Variants in VPS52 observed in about 807,000 individuals in gnomAD.
VPS52 encodes the protein VPS52 subunit of GARP complex.
Under a neutral mutation model 98.7 loss-of-function variants are expected in VPS52, and 56 were observed. That is an observed-to-expected ratio of 0.57 (90% confidence interval 0.46 to 0.71). VPS52 has a LOEUF of 0.71. VPS52 is among the 30% of genes least tolerant of loss of function. The pLI is 0.00. For missense variants in VPS52, 742 were observed against 925.9 expected, an observed-to-expected ratio of 0.80 and a Z score of 2.58; for synonymous variants, 348 against 346.4, an observed-to-expected ratio of 1.00 and a Z score of -0.05.
rs1357932439 is a variant in VPS52, at chr6:33,250,946, G to C, written c.2067C>G (p.His689Gln). 1 of 1,613,092 alleles carries C rather than the reference G, an allele frequency of 6.2e-7. No individual in the cohort carries two copies. Among genetic ancestry groups the C allele is most frequent in the South Asian group, 1.1e-5 (1 of 91,090 alleles). The change falls in exon 20 of 20, where the codon CAC (histidine) becomes CAG (glutamine). Residue 689 changes from histidine (H) to glutamine (Q), a missense_variant. Transcript: ENST00000445902. The stretch of plus-strand genomic sequence containing the variant: ...GGAGCTGCGGCTGGGACAGCACCCG[G>C]TGGAAGCGATGATAGAGCTGGATCA... ...TQLIQLYHRF[H>Q]RVLSQPQLRA... is the part of the protein sequence containing the mutation.
rs1484136865 is a variant in VPS52, at chr6:33,266,718, AGAG to A, written c.1126-9_1126-7del. 1.9e-6 allele frequency: 3 copies of A among 1,602,746 alleles called. No homozygotes were observed. Among genetic ancestry groups the A allele is most frequent in the Admixed American group, 3.4e-5 (2 of 58,250 alleles). ...AAGAGGGCCTCAAATGGATACTGGG[AGAG>A]GAGGAGTAAAGAAGAAAAACAGAAG... On this transcript the variant is annotated splice_region_variant and splice_polypyrimidine_tract_variant and intron_variant, in intron 11 of 19. Transcript: ENST00000445902.
At chr6:33,260,347 T>A (rs969708197) in intron 17 of VPS52, among the ~76,000 whole-genome samples, 1 of 151,730 alleles carries the variant, frequency 6.6e-6, no homozygotes, top group African/African-American at 2.4e-5. Context: ...CATACCACCA[T>A]GCCTGGCTTT....
chr6:33,259,491 A>C (rs981232291), intron 17 of VPS52, among the ~76,000 whole-genome samples: 2 of 152,184 alleles, frequency 1.3e-5, no homozygotes, highest in Admixed American at 6.5e-5. Context: ...AATGATGCTC[A>C]ATGTTATTAG....
At position 33,267,185 on chromosome 6, in the gene VPS52, T is replaced by A; in HGVS notation, c.1125+3A>T. The A allele has an allele frequency of 2.7e-6, 4 of 1,498,990 alleles. No individual in the cohort carries two copies. Among genetic ancestry groups the A allele is most frequent in the Non-Finnish European group, 2.7e-6 (3 of 1,123,950 alleles). 92.9% of individuals were successfully genotyped at this position (1,498,990 alleles called of 1,614,324 possible). A position where few individuals can be genotyped will look rare whatever the true frequency, so the allele number is the denominator to read the frequency against. On this transcript the variant is annotated splice_donor_region_variant and intron_variant, in intron 11 of 19. Coordinates refer to ENST00000445902, the MANE Select transcript of VPS52 (RefSeq NM_022553.6). This position sits in a 1 kb window ranked among gnomAD's most constrained non-coding sequence, Gnocchi z 4.2. ...CGTGACTGAAGCTTGTTCCTCCTCA[T>A]ACCCTCTGCTCTCCGCGCTGCGCTG...
At chr6:33,251,775 C>T (rs1472576043) in intron 18 of VPS52, 85 bp downstream of exon 18, 4 of 1,465,776 alleles carry the variant, frequency 2.7e-6, no homozygotes, top group Non-Finnish European at 3.8e-6. Flanking sequence ...ATACTCTATT[C>T]CCCCACCATG....
At chr6:33,260,622 CCTTT>C (rs969821378) in intron 17 of VPS52, among the ~76,000 whole-genome samples, 5 of 152,180 alleles carry the variant, frequency 3.3e-5, no homozygotes, top group Admixed American at 6.6e-5. Flanking sequence ...CTTTTTTCCC[CCTTT>C]TTTTGTGTGT....
intron 17 of VPS52, 138 bp downstream of exon 17, chr6:33,263,346 A>G (rs1763864136): frequency 7.0e-6 from 5 of 716,202 alleles, no homozygotes; most frequent in East Asian, 5.6e-5. Context: ...CAAGAGTTAC[A>G]GTAATTCCGC....
At chr6:33,263,416 G>GAC in intron 17 of VPS52, 68 bp downstream of exon 17, 1 of 505,892 alleles carries the variant, frequency 2.0e-6, no homozygotes, top group African/African-American at 4.2e-5. Flanking sequence ...CACACACACA[G>GAC]AGAGAGAGAG....
intron 3 of VPS52, 50 bp from the exon 4 acceptor site, chr6:33,269,869 C>T: frequency 6.3e-7 from 1 of 1,596,322 alleles, no homozygotes; most frequent in East Asian, 2.2e-5. Context: ...AGTAAAGGGA[C>T]ACTGTAACAG....
chr6:33,266,585 A>T lies in VPS52; in HGVS notation c.1253T>A (p.Val418Asp). 1 of 1,612,180 alleles carries T rather than the reference A, an allele frequency of 6.2e-7. No individual in the cohort carries two copies. The highest frequency in any genetic ancestry group is 8.5e-7 in the Non-Finnish European group (1 of 1,179,506). ...GGTCATGCTGAGTGTACGGCCCATGACAGCATGGAACAGGTCGTGTGCAGC... is the reference window on the plus strand; with the variant it reads ...GGTCATGCTGAGTGTACGGCCCATGTCAGCATGGAACAGGTCGTGTGCAGC... ...GPAAHDLFHA[V>D]MGRTLSMTLK... is the part of the protein sequence containing the mutation. The change falls in exon 12 of 20, where the codon GTC becomes GAC. Residue 418 changes from valine to aspartate, a missense_variant. Val to Asp is a radical substitution (Grantham distance 152). Around this residue, in one of 2 missense-constraint regions of VPS52, gnomAD observed 590 missense variants for 793.3 expected, o/e 0.74. Transcript: ENST00000445902.
chr6:33,266,863 T>C (rs1049882389), intron 11 of VPS52, 151 bp from the exon 12 acceptor site: 10 of 1,084,196 alleles, frequency 9.2e-6, no homozygotes, highest in Non-Finnish European at 3.8e-6. Context: ...AAGAGCAAGC[T>C]GAATGGGCAC....
chr6:33,270,150 C>T (rs768712948), intron 2 of VPS52, 49 bp downstream of exon 2: 1 of 1,612,174 alleles, frequency 6.2e-7, no homozygotes, highest in South Asian at 1.1e-5. Context: ...TTCCAGCCCC[C>T]ATGCCTCTCA....
intron 1 of VPS52, 147 bp from the exon 2 acceptor site, chr6:33,270,430 G>A (rs1021392723): frequency 7.2e-6 from 5 of 691,530 alleles, no homozygotes; most frequent in Admixed American, 5.9e-5. Context: ...AGAGTCTCAC[G>A]TTGTACCCAC....
In VPS52 at chr6:33,267,260, G is replaced by C; in HGVS notation, c.1053C>G (p.Gly351=). ...CAAGTTCAGTGGGGGAGATGACAGA[G>C]CCGCGGGTTCCTAGGGTGAAAATGG... ...RNTIFTLGTR[G]SVISPTELEA... Residue 351 remains glycine (G), a synonymous_variant, in exon 11 of 20, where the codon GGC becomes GGG. Coordinates refer to ENST00000445902, the MANE Select transcript of VPS52 (RefSeq NM_022553.6). This position sits in a 1 kb window ranked among gnomAD's most constrained non-coding sequence, Gnocchi z 4.2. The C allele has an allele frequency of 6.2e-7, 1 of 1,605,218 alleles. No individual in the cohort carries two copies. Among genetic ancestry groups the C allele is most frequent in the Non-Finnish European group, 8.5e-7 (1 of 1,176,188 alleles).
In VPS52 at chr6:33,263,859, G is replaced by A; in HGVS notation, c.1641C>T (p.Val547=). The A allele has an allele frequency of 6.2e-7, 1 of 1,614,176 alleles. No homozygotes were observed. Among genetic ancestry groups the A allele is most frequent in the Non-Finnish European group, 8.5e-7 (1 of 1,180,020 alleles). ...AGGAGAACTCAGCTGCCACTCGGAGGACAAAATTCTCCACCTCCACCTGAA... is the reference window on the plus strand; with the variant it reads ...AGGAGAACTCAGCTGCCACTCGGAGAACAAAATTCTCCACCTCCACCTGAA... ...GQLQVEVENF[V]LRVAAEFSSR... Residue 547 remains valine (V), a synonymous_variant, in exon 16 of 20, where the codon GTC becomes GTT. Coordinates refer to ENST00000445902, the MANE Select transcript of VPS52 (RefSeq NM_022553.6).
chr6:33,253,805 T>C (rs893033058), intron 17 of VPS52, among the ~76,000 whole-genome samples: 2 of 151,992 alleles, frequency 1.3e-5, no homozygotes, highest in African/African-American at 2.4e-5. Flanking sequence ...GAAGTGATAA[T>C]ATTCATCTGT....
chr6:33,265,812 C>G (rs1386464352), intron 12 of VPS52, among the ~76,000 whole-genome samples: 1 of 152,054 alleles, frequency 6.6e-6, no homozygotes, highest in Admixed American at 6.6e-5. Flanking sequence ...GGGGTAGTCT[C>G]AGGGACCCTA....
rs777445366 is a variant in VPS52 at position 33,251,845 on chromosome 6, A to G, written c.1906+15T>C. 30 of 1,612,760 alleles carry G rather than the reference A, an allele frequency of 1.9e-5. No individual in the cohort carries two copies. The highest frequency in any genetic ancestry group is 1.6e-4 in the Middle Eastern group (1 of 6,082). On this transcript the variant is annotated intron_variant, in intron 18 of 19. Coordinates refer to ENST00000445902, the MANE Select transcript of VPS52 (RefSeq NM_022553.6). ...CCTTACCACTGATCCCATCATTACC[A>G]TATTTTCCTCATACCTTCTTCCCCT...
chr6:33,263,707 G>A, intron 16 of VPS52, 65 bp downstream of exon 16: 1 of 1,593,036 alleles, frequency 6.3e-7, no homozygotes, highest in Admixed American at 1.7e-5. Context: ...CCCTCACAGA[G>A]CTAACAGCAG....
Sources: allele counts gnomAD v4.1 joint callset (sites outside exome capture counted in the v4.1 genomes callset), GRCh38; gene constraint gnomAD v4.1.1; regional missense constraint gnomAD v4.1.1; non-coding constraint Gnocchi (gnomAD v3.1); transcripts MANE v1.5; gene names NCBI Gene and HGNC (gene_info 2026-07-23, HGNC 2026-07-21).